UBTD2: variants seen among roughly 807,000 people sequenced by gnomAD.
The protein encoded by UBTD2 is ubiquitin domain containing 2.
In UBTD2, 9 loss-of-function variants were observed where a neutral mutation model predicts 19.8. The observed-to-expected ratio is 0.46, with a 90% CI of 0.27 to 0.79. The LOEUF is 0.79. UBTD2 is among the 30% of genes least tolerant of loss of function. The pLI is 0.14. For synonymous variants in UBTD2, 98 were observed against 103.9 expected (o/e 0.94, Z 0.35); for missense variants, 250 against 300.4 (o/e 0.83, Z 1.24).
chr5:172,224,427 A>C (rs540335880), intron 2 of UBTD2, among the ~76,000 whole-genome samples: 168 of 151,236 alleles, frequency 1.1e-3, no homozygotes, highest in African/African-American at 4.0e-3. Context: ...GGCTCCTGAG[A>C]TTACAGGTAT....
chr5:172,280,919 T>C (rs1445751970), intron 1 of UBTD2, among the ~76,000 whole-genome samples: 16 of 152,108 alleles, frequency 1.1e-4, no homozygotes, highest in Admixed American at 2.6e-4. Context: ...ACATAAGAGA[T>C]GGATTCAGAG....
intron 2 of UBTD2, among the ~76,000 whole-genome samples, chr5:172,232,749 T>TG (rs1398593268): frequency 2.6e-5 from 4 of 151,446 alleles, no homozygotes; most frequent in African/African-American, 9.7e-5. Context: ...CCAGGCATGG[T>TG]GATGCGTGCC....
rs1020929262 is a variant in UBTD2, at chr5:172,212,175, C to A, written c.360G>T (p.Val120=). The change falls in exon 3 of 3, where the codon GTG becomes GTT. Residue 120 remains valine, a synonymous_variant. Coordinates refer to ENST00000393792, the MANE Select transcript of UBTD2 (RefSeq NM_152277.3). ...TGTTGATTGGCGGTGCCAAGCAATA[C>A]ACTGGAAGCTGATATCTGTTCCCCA... is the stretch of plus-strand genomic sequence containing the variant. ...DELGNRYQLP[V]YCLAPPINMI... 6.2e-7 allele frequency: 1 copy of A among 1,613,842 alleles called. No individual in the cohort carries two copies. Among genetic ancestry groups the A allele is most frequent in the Non-Finnish European group, 8.5e-7 (1 of 1,179,730 alleles).
intron 1 of UBTD2, among the ~76,000 whole-genome samples, chr5:172,277,423 T>A (rs60995369): frequency 0.32 from 49,112 of 151,930 alleles, 8,027 homozygotes; most frequent in South Asian, 0.42. Flanking sequence ...TTACAAACTT[T>A]AGGTGATGCA....
At chr5:172,260,776 T>A (rs932679741) in intron 1 of UBTD2, among the ~76,000 whole-genome samples, 4 of 152,216 alleles carry the variant, frequency 2.6e-5, no homozygotes, top group Non-Finnish European at 5.9e-5. Flanking sequence ...AAGTTCCTTT[T>A]CACTATGTCC....
chr5:172,226,254 G>A (rs1324710726), intron 2 of UBTD2, among the ~76,000 whole-genome samples: 1 of 151,976 alleles, frequency 6.6e-6, no homozygotes, highest in African/African-American at 2.4e-5. Flanking sequence ...TGGGGTGAAC[G>A]TTCAGGCAGT....
chr5:172,244,659 C>G (rs1754825158), intron 1 of UBTD2, among the ~76,000 whole-genome samples: 1 of 151,936 alleles, frequency 6.6e-6, no homozygotes, highest in Non-Finnish European at 1.5e-5. Context: ...TGTTATAAGC[C>G]CACTAGAGCC....
At chr5:172,255,372 G>A (rs1263431175) in intron 1 of UBTD2, 2 of 479,982 alleles carry the variant, frequency 4.2e-6, no homozygotes, top group East Asian at 9.9e-5. Context: ...AATTAGATGA[G>A]TATGACACCG....
Position 172,257,453 on chromosome 5 carries a change from T to C in UBTD2, c.71-23095A>G, listed in dbSNP as rs556813799. On this transcript the variant is annotated intron_variant, in intron 1 of 2. Transcript: ENST00000393792. ...ATGGTATATGATAAACATCCACACA[T>C]ATGAGTCTTCATGGCAGAACAATTT... 1.3e-4 allele frequency among the ~76,000 whole-genome samples: 20 copies of C among 152,282 alleles called. No homozygotes were observed. The Middle Eastern group carries it at 0.01, about 78-fold the overall frequency.
At chr5:172,251,314 CAAAAA>C (rs57577423) in intron 1 of UBTD2, among the ~76,000 whole-genome samples, 1 of 118,218 alleles carries the variant, frequency 8.5e-6, no homozygotes, top group Non-Finnish European at 1.7e-5. Context: ...GAGCCTATCT[CAAAAA>C]AAAAAAAGAA....
At chr5:172,228,852 T>C (rs1771831294) in intron 2 of UBTD2, among the ~76,000 whole-genome samples, 1 of 152,212 alleles carries the variant, frequency 6.6e-6, no homozygotes, top group Non-Finnish European at 1.5e-5. Flanking sequence ...ATACTATTTG[T>C]AAGTGCCTTT....
rs759477447 is a variant in UBTD2 at position 172,234,406 on chromosome 5, T to A, written c.71-48A>T. The A allele has an allele frequency of 4.7e-6, 7 of 1,505,308 alleles. No individual in the cohort carries two copies. The Admixed American group carries it at 1.2e-4, about 26-fold the overall frequency. The allele number at this position is 1,505,308 out of a possible 1,614,324, so 93.2% of individuals were successfully genotyped here. ...GAGATCAAACCCAAAATTTATAAAATATGTATCAAAAGTTATCTGGTCATT... is the reference window on the plus strand; with the variant it reads ...GAGATCAAACCCAAAATTTATAAAAAATGTATCAAAAGTTATCTGGTCATT... On this transcript the variant is annotated intron_variant, in intron 1 of 2. Transcript: ENST00000393792.
chr5:172,254,878 A>G (rs536564814), intron 1 of UBTD2: 12 of 502,106 alleles, frequency 2.4e-5, no homozygotes, highest in African/African-American at 2.4e-4. Context: ...GCATGCTACT[A>G]CTGGAATTTT....
chr5:172,248,986 C>G (rs1334022452), intron 1 of UBTD2, among the ~76,000 whole-genome samples: 1 of 151,774 alleles, frequency 6.6e-6, no homozygotes, highest in Non-Finnish European at 1.5e-5. Flanking sequence ...AATAGAAAAA[C>G]AGTAGAGATT....
At chr5:172,257,583 CTAATA>C (rs909966728) in intron 1 of UBTD2, among the ~76,000 whole-genome samples, 2 of 152,224 alleles carry the variant, frequency 1.3e-5, no homozygotes, top group Non-Finnish European at 2.9e-5. Flanking sequence ...AGAGGCTGAA[CTAATA>C]TACCATTCCC....
intron 1 of UBTD2, among the ~76,000 whole-genome samples, chr5:172,262,806 C>G (rs1196485643): frequency 6.6e-6 from 1 of 152,082 alleles, no homozygotes; most frequent in Non-Finnish European, 1.5e-5. Flanking sequence ...CAGAGCAAGA[C>G]TCATCTCAAA....
intron 1 of UBTD2, among the ~76,000 whole-genome samples, chr5:172,245,682 A>G (rs1265449179): frequency 6.6e-6 from 1 of 151,556 alleles, no homozygotes; most frequent in East Asian, 1.9e-4. Flanking sequence ...ATTGCACTCT[A>G]GCCTGGGTGA....
At chr5:172,241,710 T>G (rs1216888563) in intron 1 of UBTD2, among the ~76,000 whole-genome samples, 1 of 152,116 alleles carries the variant, frequency 6.6e-6, no homozygotes, top group East Asian at 1.9e-4. Context: ...AATAAAAGTT[T>G]TTTTAAAAAG....
intron 1 of UBTD2, among the ~76,000 whole-genome samples, chr5:172,260,953 G>A (rs1755257193): frequency 6.6e-6 from 1 of 152,168 alleles, no homozygotes; most frequent in African/African-American, 2.4e-5. Context: ...TAGGCCCTAT[G>A]TGTTAATGTT....
Sources: allele counts gnomAD v4.1 joint callset (sites outside exome capture counted in the v4.1 genomes callset), GRCh38; gene constraint gnomAD v4.1.1; transcripts MANE v1.5; gene names NCBI Gene and HGNC (gene_info 2026-07-23, HGNC 2026-07-21).